The following TJP1 variants were observed in gnomAD, a reference collection of about 807,000 sequenced individuals.
The protein encoded by TJP1 is tight junction protein ZO-1.
TJP1 carries 43 observed loss-of-function variants against 194.2 expected under a neutral mutation model. The ratio of observed to expected loss-of-function variants is 0.22; its 90% CI spans 0.17 to 0.29. TJP1 has a LOEUF of 0.29. Among genes scored for constraint, TJP1 ranks in the 10% least tolerant of loss-of-function variants. TJP1 has a pLI of 1.00. For missense variants in TJP1, 1,971 were observed against 2,185.7 expected (o/e 0.90, Z 1.96); for synonymous variants, 801 against 779.0 (o/e 1.03, Z -0.47).
intron 1 of TJP1, among the ~76,000 whole-genome samples, chr15:29,961,328 CTAAT>C (rs1272777246): frequency 7.6e-5 from 10 of 131,528 alleles, no homozygotes; most frequent in East Asian, 2.4e-4. Flanking sequence ...TTTACTTTTC[CTAAT>C]TCTTTTTTTT....
At chr15:29,764,748 T>G (rs1021176497) in intron 5 of TJP1, among the ~76,000 whole-genome samples, 2 of 151,994 alleles carry the variant, frequency 1.3e-5, no homozygotes, top group African/African-American at 4.8e-5. Flanking sequence ...AAGAAAAATT[T>G]TAAGAGGGAG....
chr15:29,761,919 C>T, intron 6 of TJP1, 150 bp from the exon 7 acceptor site: 1 of 760,272 alleles, frequency 1.3e-6, no homozygotes, highest in Non-Finnish European at 2.0e-6. Flanking sequence ...AAGTATTCCA[C>T]CTTCTTGAGA....
chr15:29,947,531 T>C (rs1014805369), intron 2 of TJP1, among the ~76,000 whole-genome samples: 1 of 152,180 alleles, frequency 6.6e-6, no homozygotes, highest in Admixed American at 6.5e-5. Flanking sequence ...ACCTACAAAG[T>C]ACCCGTTTCC....
chr15:29,786,306 C>T (rs533944874), intron 2 of TJP1, among the ~76,000 whole-genome samples: 21 of 152,146 alleles, frequency 1.4e-4, no homozygotes, highest in African/African-American at 5.1e-4. Flanking sequence ...TACAGAATAC[C>T]TCCAAGTCCC....
rs143864263 is a variant in TJP1 at position 29,705,516 on chromosome 15, A to C, written c.5068+12T>G. 1 of 1,613,778 alleles carries C rather than the reference A, an allele frequency of 6.2e-7. No homozygotes were observed. Among genetic ancestry groups the C allele is most frequent in the African/African-American group, 1.3e-5 (1 of 75,020 alleles). On this transcript the variant is annotated intron_variant, in intron 26 of 27. Transcript: ENST00000614355. ...AGTTATCAAAACTAAGGAGAAAAAT[A>C]AACACATTTACCTTTCTCTTTATCT...
chr15:29,801,774 T>C (rs1043123832), intron 1 of TJP1, among the ~76,000 whole-genome samples: 1 of 152,042 alleles, frequency 6.6e-6, no homozygotes, highest in Non-Finnish European at 1.5e-5. Flanking sequence ...AATAAATTAT[T>C]ATCTAAGGCA....
chr15:29,789,553 T>C (rs905874619), intron 2 of TJP1, among the ~76,000 whole-genome samples: 11 of 152,186 alleles, frequency 7.2e-5, no homozygotes, highest in African/African-American at 2.2e-4. Context: ...TTTCAATGGT[T>C]TCTAGAAATA....
chr15:29,861,562 T>C (rs937978731), intron 2 of TJP1, among the ~76,000 whole-genome samples: 1 of 152,216 alleles, frequency 6.6e-6, no homozygotes, highest in Non-Finnish European at 1.5e-5. Context: ...CATCTTTTCA[T>C]GTGCTTATTA....
At chr15:29,961,187 G>T (rs1354694189) in intron 1 of TJP1, among the ~76,000 whole-genome samples, 1 of 152,122 alleles carries the variant, frequency 6.6e-6, no homozygotes, top group African/African-American at 2.4e-5. Flanking sequence ...AGCCCTGATG[G>T]TGCAGATCTG....
At chr15:29,731,304 G>A (rs2043643400) in intron 15 of TJP1, among the ~76,000 whole-genome samples, 2 of 152,084 alleles carry the variant, frequency 1.3e-5, no homozygotes, top group Non-Finnish European at 2.9e-5. Context: ...CTTGTGCTAT[G>A]GAAAAACAAA....
At chr15:29,705,279 C>A (rs1441894490) in intron 26 of TJP1, among the ~76,000 whole-genome samples, 1 of 152,200 alleles carries the variant, frequency 6.6e-6, no homozygotes, top group African/African-American at 2.4e-5. Flanking sequence ...GGTGAGACAT[C>A]CCGTGGCCTG....
intron 1 of TJP1, among the ~76,000 whole-genome samples, chr15:29,964,869 G>C (rs1283054261): frequency 6.6e-6 from 1 of 152,234 alleles, no homozygotes; most frequent in Non-Finnish European, 1.5e-5. Context: ...ATGAGGAAAA[G>C]AGAGTTCCTA....
rs762157908 is a variant in TJP1, at chr15:29,762,449, G to T, written c.590-11C>A. ...ATCGAAGACCATATTCTGAAATAAT[G>T]TAAGTAAGTGTTTTTAGTATAACAT... On this transcript the variant is annotated splice_polypyrimidine_tract_variant and intron_variant, in intron 5 of 27. Coordinates refer to ENST00000614355, the MANE Select transcript of TJP1 (RefSeq NM_001330239.4). 6.2e-7 allele frequency: 1 copy of T among 1,601,566 alleles called. No individual in the cohort carries two copies. The highest frequency in any genetic ancestry group is 8.5e-7 in the Non-Finnish European group (1 of 1,170,982).
chr15:29,829,293 A>T (rs2050766441), intron 2 of TJP1, among the ~76,000 whole-genome samples: 1 of 152,138 alleles, frequency 6.6e-6, no homozygotes, highest in South Asian at 2.1e-4. Flanking sequence ...AATTTCTCTT[A>T]TATGCTTCCA....
chr15:29,828,490 A>G (rs1435753282), intron 2 of TJP1, among the ~76,000 whole-genome samples: 1 of 152,158 alleles, frequency 6.6e-6, no homozygotes, highest in Non-Finnish European at 1.5e-5. Flanking sequence ...ATTAAAGAAT[A>G]TGCTTACTTA....
At chr15:29,723,147 C>T (rs2043033508) in intron 18 of TJP1, among the ~76,000 whole-genome samples, 1 of 152,172 alleles carries the variant, frequency 6.6e-6, no homozygotes, top group South Asian at 2.1e-4. Context: ...TGGGAACGCA[C>T]CATCATATTT....
chr15:29,964,827 GC>G (rs2152325606), intron 1 of TJP1, among the ~76,000 whole-genome samples: 1 of 152,294 alleles, frequency 6.6e-6, no homozygotes, highest in African/African-American at 2.4e-5. Flanking sequence ...CACTGCAAAC[GC>G]CCCTGCTTTC....
chr15:29,956,137 C>T (rs1315516333), intron 2 of TJP1: 1 of 1,045,440 alleles, frequency 9.6e-7, no homozygotes, highest in Non-Finnish European at 1.2e-6. Context: ...AAATGCCTGC[C>T]ACAAAATAAG....
intron 2 of TJP1, among the ~76,000 whole-genome samples, chr15:29,779,920 C>T (rs555175721): frequency 2.7e-5 from 4 of 150,860 alleles, no homozygotes; most frequent in Non-Finnish European, 5.9e-5. Flanking sequence ...ACTTCCTTAG[C>T]ATGTGAACGA....
Sources: gnomAD v4.1 joint callset for allele counts (sites outside exome capture counted in the v4.1 genomes callset) on GRCh38, gnomAD v4.1.1 for gene constraint, MANE v1.5 for transcripts, NCBI Gene and HGNC (gene_info 2026-07-23, HGNC 2026-07-21) for gene names.